CFAP74: variants seen among roughly 807,000 people sequenced by gnomAD.
CFAP74 encodes cilia and flagella associated protein 74.
A neutral mutation model predicts 188.9 loss-of-function variants in CFAP74; 124 were observed. The ratio of observed to expected loss-of-function variants is 0.66; its 90% CI spans 0.57 to 0.76. The LOEUF is 0.76. Among genes scored for constraint, CFAP74 ranks in the 30% least tolerant of loss-of-function variants. The probability of loss-of-function intolerance (pLI) is 0.00; values close to 1 mark genes in which losing one functional copy is unlikely to be tolerated. For synonymous variants in CFAP74, 956 were observed against 916.7 expected (o/e 1.04, Z -0.77); for missense variants, 2,198 against 2,165.2 (o/e 1.02, Z -0.30).
At chr1:1,989,149 G>A (rs1021717116) in intron 2 of CFAP74, among the ~76,000 whole-genome samples, 176 bp from the exon 3 acceptor site, 4 of 152,300 alleles carry the variant, frequency 2.6e-5, no homozygotes, top group South Asian at 2.1e-4. Flanking sequence ...GGACTGGGGC[G>A]CTGGCGCCTT....
chr1:1,991,767 T>A (rs112590439), intron 1 of CFAP74, among the ~76,000 whole-genome samples: 3 of 152,038 alleles, frequency 2.0e-5, no homozygotes, highest in South Asian at 2.1e-4. Context: ...TGGCTGGGCG[T>A]GGTGGCTCAC....
intron 6 of CFAP74, among the ~76,000 whole-genome samples, chr1:1,978,875 C>T (rs565174895): frequency 5.9e-5 from 9 of 152,230 alleles, no homozygotes; most frequent in Non-Finnish European, 8.8e-5. Context: ...TGTGGCCAAG[C>T]GGGGTGCACA....
intron 4 of CFAP74, 27 bp downstream of exon 4, chr1:1,988,485 G>A (rs1482946851): frequency 4.4e-6 from 7 of 1,606,766 alleles, no homozygotes; most frequent in Non-Finnish European, 5.1e-6. Flanking sequence ...AAGAGGTGCA[G>A]GTGCAGCGGC....
rs761009522 is a variant in CFAP74, at chr1:1,956,666, G to A, written c.1970C>T (p.Ala657Val). 2 of 1,614,062 alleles carry A rather than the reference G, an allele frequency of 1.2e-6. No homozygotes were observed. The highest frequency in any genetic ancestry group is 4.5e-5 in the East Asian group (2 of 44,892). Residue 657 changes from alanine to valine, a missense_variant, in exon 17 of 39, where the codon GCT becomes GTT. By Grantham distance (64) the Ala-to-Val change is moderately conservative. Transcript: ENST00000682832. ...GLGTTFKFLP[A>V]SEPCEMDDSQ... Reference sequence around the variant, plus strand: ...GTCGTCCATCTCACAGGGCTCTGAAGCTGGCAGGAACTTGAAAGTCGTGCC... The same window carrying A: ...GTCGTCCATCTCACAGGGCTCTGAAACTGGCAGGAACTTGAAAGTCGTGCC...
chr1:1,974,326 C>G (rs1558047462), intron 6 of CFAP74, 128 bp from the exon 7 acceptor site: 3 of 842,810 alleles, frequency 3.6e-6, no homozygotes, highest in Non-Finnish European at 5.3e-6. Context: ...GCTCCCTCCT[C>G]TAGGGGCCAT....
intron 21 of CFAP74, 115 bp downstream of exon 21, chr1:1,944,216 C>G (rs2803335): frequency 5.0e-6 from 4 of 806,764 alleles, no homozygotes; most frequent in Non-Finnish European, 5.9e-6. Context: ...ACCCCGTGTG[C>G]GTGGGTCACC....
chr1:1,956,517 G>T, intron 17 of CFAP74, 103 bp downstream of exon 17: 1 of 1,406,624 alleles, frequency 7.1e-7, no homozygotes, highest in South Asian at 1.2e-5. Context: ...CTTCTCCCAG[G>T]CCCACTGTTG....
intron 25 of CFAP74, among the ~76,000 whole-genome samples, chr1:1,933,266 C>T (rs1177067958): frequency 6.6e-6 from 1 of 150,572 alleles, no homozygotes; most frequent in Admixed American, 6.6e-5. Flanking sequence ...TCACTGCAAG[C>T]TCTGCCTCCT....
At chr1:1,978,091 G>T (rs371666251) in intron 6 of CFAP74, among the ~76,000 whole-genome samples, 73 of 152,338 alleles carry the variant, frequency 4.8e-4, no homozygotes, top group East Asian at 4.1e-3. Context: ...CAAGCGATCT[G>T]CCCACCTTGG....
intron 5 of CFAP74, among the ~76,000 whole-genome samples, chr1:1,985,898 C>G (rs571120650): frequency 6.6e-6 from 1 of 152,384 alleles, no homozygotes; most frequent in African/African-American, 2.4e-5. Flanking sequence ...CAGCACACAT[C>G]CAGTGCCAGC....
At chr1:1,988,754 T>G (rs1657393516) in intron 3 of CFAP74, 99 bp from the exon 4 acceptor site, 1 of 1,492,520 alleles carries the variant, frequency 6.7e-7, no homozygotes, top group Non-Finnish European at 9.1e-7. Context: ...CAGTTCTGCT[T>G]CAGGGCGGGA....
At chr1:1,965,780 C>T (rs1655426191) in intron 12 of CFAP74, among the ~76,000 whole-genome samples, 1 of 152,218 alleles carries the variant, frequency 6.6e-6, no homozygotes, top group African/African-American at 2.4e-5. Flanking sequence ...CCCGGCATCC[C>T]CAGAACCAGC....
At chr1:1,930,807 CG>C (rs1652310405) in intron 25 of CFAP74, among the ~76,000 whole-genome samples, 1 of 152,162 alleles carries the variant, frequency 6.6e-6, no homozygotes, top group African/African-American at 2.4e-5. Context: ...TATTTATTGA[CG>C]TTTTAAAAAC....
At chr1:1,989,341 G>A (rs1481933914) in intron 2 of CFAP74, among the ~76,000 whole-genome samples, 3 of 152,256 alleles carry the variant, frequency 2.0e-5, no homozygotes, top group Non-Finnish European at 4.4e-5. Flanking sequence ...GGACAGGGCG[G>A]ACGGTGTGAG....
intron 13 of CFAP74, 52 bp downstream of exon 13, chr1:1,964,836 C>T (rs1655352284): frequency 1.2e-6 from 2 of 1,604,000 alleles, no homozygotes; most frequent in Non-Finnish European, 1.7e-6. Context: ...CAGGGCTCCC[C>T]TGCTGTCCTG....
chr1:1,926,989 T>C lies in CFAP74; in HGVS notation c.3567A>G (p.Arg1189=). The C allele has an allele frequency of 6.5e-7, 1 of 1,550,242 alleles. No individual in the cohort carries two copies. Among genetic ancestry groups the C allele is most frequent in the South Asian group, 1.2e-5 (1 of 84,066 alleles). ...EYQAARATLL[R]AFQAKFDTFV... ...ATGTGTCAAACTTCGCCTGGAACGC[T>C]CTGAGCAGGGTGGCTCGGGCGGCCT... is the stretch of plus-strand genomic sequence containing the variant. The change falls in exon 29 of 39, where the codon AGA becomes AGG. Residue 1189 remains arginine, a synonymous_variant. Coordinates refer to ENST00000682832, the MANE Select transcript of CFAP74 (RefSeq NM_001304360.2).
intron 18 of CFAP74, chr1:1,954,378 A>G (rs2102059188): frequency 6.6e-6 from 1 of 152,342 alleles, no homozygotes; most frequent in South Asian, 2.1e-4. Flanking sequence ...ACTATTATTT[A>G]ATTTGGATCA....
chr1:1,923,949 C>A lies in CFAP74; in HGVS notation c.4235-20G>T. On this transcript the variant is annotated intron_variant, in intron 34 of 38. Coordinates refer to ENST00000682832, the MANE Select transcript of CFAP74 (RefSeq NM_001304360.2). This position sits in a 1 kb window ranked among gnomAD's most constrained non-coding sequence, Gnocchi z 6.3. ...GCGTCCCTGCGGGTAGGGTGGGGTG[C>A]AGTTTGGCCTTCTCCACCTGCAATC... is the stretch of plus-strand genomic sequence containing the variant. The A allele has an allele frequency of 1.3e-6, 2 of 1,595,108 alleles. No homozygotes were observed. Among genetic ancestry groups the A allele is most frequent in the South Asian group, 2.3e-5 (2 of 88,030 alleles).
intron 22 of CFAP74, among the ~76,000 whole-genome samples, chr1:1,941,383 C>T (rs1413465667): frequency 2.0e-5 from 3 of 152,224 alleles, no homozygotes; most frequent in Admixed American, 6.5e-5. Flanking sequence ...GGACACAGGA[C>T]GTCCAGTCTC....
Sources: gnomAD v4.1 joint callset for allele counts (sites outside exome capture counted in the v4.1 genomes callset) on GRCh38, gnomAD v4.1.1 for gene constraint, Gnocchi (gnomAD v3.1) non-coding constraint, MANE v1.5 for transcripts, NCBI Gene and HGNC (gene_info 2026-07-23, HGNC 2026-07-21) for gene names.